Variants in MAN1C1 observed in about 807,000 individuals in gnomAD.
MAN1C1 encodes mannosidase alpha class 1C member 1, also known as mannosyl-oligosaccharide 1,2-alpha-mannosidase IC.
A neutral mutation model predicts 71.5 loss-of-function variants in MAN1C1; 49 were observed. That is an observed-to-expected ratio of 0.69 (90% CI 0.54 to 0.87). The LOEUF (loss-of-function observed/expected upper bound fraction) is 0.87, where lower values mean the gene tolerates loss of function less well. MAN1C1 is among the 40% of genes least tolerant of loss of function. MAN1C1 has a pLI of 0.00. For synonymous variants in MAN1C1, 352 were observed against 343.7 expected (o/e 1.02, Z -0.27); for missense variants, 743 against 835.0 (o/e 0.89, Z 1.36).
At chr1:25,621,572 G>A (rs988591311) in intron 1 of MAN1C1, among the ~76,000 whole-genome samples, 10 of 152,016 alleles carry the variant, frequency 6.6e-5, no homozygotes, top group African/African-American at 2.4e-4. Context: ...GACTGCTCTG[G>A]GTCCTACCCA....
At position 25,746,625 on chromosome 1, in the gene MAN1C1, A is replaced by G. The variant is rs1173262503; in HGVS notation, c.638-43A>G. 6.8e-7 allele frequency: 1 copy of G among 1,465,710 alleles called. No individual in the cohort carries two copies. The highest frequency in any genetic ancestry group is 1.4e-5 in the African/African-American group (1 of 71,586). 90.8% of individuals were successfully genotyped at this position (1,465,710 alleles called of 1,614,324 possible). ...TGGCTTGTCCAGTTGGGGAAAAGAG[A>G]AAGATGGCCCTGGGTCACACCCTCA... On this transcript the variant is annotated intron_variant, in intron 2 of 11. Transcript: ENST00000374332. This position sits in a 1 kb window ranked among gnomAD's most constrained non-coding sequence, Gnocchi z 4.0.
chr1:25,668,177 G>T (rs1189489851), intron 1 of MAN1C1, among the ~76,000 whole-genome samples: 1 of 152,160 alleles, frequency 6.6e-6, no homozygotes, highest in Admixed American at 6.5e-5. Context: ...TGGGAAACGA[G>T]GTGCATTTTT....
intron 2 of MAN1C1, among the ~76,000 whole-genome samples, chr1:25,721,534 C>G (rs543626344): frequency 1.3e-5 from 2 of 151,954 alleles, no homozygotes; most frequent in South Asian, 2.1e-4. Flanking sequence ...TATTTTATTC[C>G]TTTTTGATGC....
intron 1 of MAN1C1, among the ~76,000 whole-genome samples, chr1:25,680,744 GT>G (rs2046140136): frequency 6.6e-6 from 1 of 152,060 alleles, no homozygotes; most frequent in Non-Finnish European, 1.5e-5. Flanking sequence ...CCACTTTTTG[GT>G]TATTACAGAT....
chr1:25,629,043 C>T (rs1364594647), intron 1 of MAN1C1, among the ~76,000 whole-genome samples: 1 of 152,204 alleles, frequency 6.6e-6, no homozygotes, highest in Non-Finnish European at 1.5e-5. Context: ...GTGAATTGTG[C>T]TGCAGTAAAC....
At chr1:25,641,594 A>G (rs543349594) in intron 1 of MAN1C1, among the ~76,000 whole-genome samples, 1 of 152,348 alleles carries the variant, frequency 6.6e-6, no homozygotes, top group South Asian at 2.1e-4. Flanking sequence ...AGTTCCTCCA[A>G]TTAAATCACA....
Position 25,717,860 on chromosome 1 carries a change from G to A in MAN1C1, c.638-28808G>A, listed in dbSNP as rs575808121. 2.9e-4 allele frequency among the ~76,000 whole-genome samples: 44 copies of A among 152,244 alleles called. No homozygotes were observed. The South Asian group carries it at 6.8e-3, about 24-fold the overall frequency. On this transcript the variant is annotated intron_variant, in intron 2 of 11. Transcript: ENST00000374332. ...ATTACAGGCATGAGCCACCATGCTCGGCCCCATTTTCCGTTCTTACCAGCA... is the reference window on the plus strand; with the variant it reads ...ATTACAGGCATGAGCCACCATGCTCAGCCCCATTTTCCGTTCTTACCAGCA...
intron 1 of MAN1C1, among the ~76,000 whole-genome samples, chr1:25,681,133 G>A (rs185381415): frequency 1.3e-5 from 2 of 151,962 alleles, no homozygotes; most frequent in East Asian, 3.9e-4. Flanking sequence ...GGCTGAGGCA[G>A]GAGAATCGCT....
At chr1:25,683,030 T>C (rs1257972517) in intron 1 of MAN1C1, among the ~76,000 whole-genome samples, 1 of 140,476 alleles carries the variant, frequency 7.1e-6, no homozygotes, top group African/African-American at 2.7e-5. Context: ...AGAGTGAGAC[T>C]CCATCTCAAA....
chr1:25,678,404 G>A (rs922006757), intron 1 of MAN1C1, among the ~76,000 whole-genome samples: 3 of 152,192 alleles, frequency 2.0e-5, no homozygotes, highest in African/African-American at 4.8e-5. Context: ...TATAAGTGAT[G>A]ATTGTTCATT....
Position 25,749,345 on chromosome 1 carries a change from C to G in MAN1C1, c.834+10C>G. 6.2e-7 allele frequency: 1 copy of G among 1,600,956 alleles called. No individual in the cohort carries two copies. Among genetic ancestry groups the G allele is most frequent in the Non-Finnish European group, 8.5e-7 (1 of 1,170,472 alleles). ...CCTGACAGGAGAAGAGGTGGGTTGG[C>G]CTTTCATGACCCCTGAACTGTCCAG... On this transcript the variant is annotated intron_variant, in intron 4 of 11. Transcript: ENST00000374332.
intron 5 of MAN1C1, among the ~76,000 whole-genome samples, chr1:25,756,146 A>G (rs1401363714): frequency 2.0e-5 from 3 of 152,266 alleles, no homozygotes; most frequent in Non-Finnish European, 2.9e-5. Flanking sequence ...TTACATGTGC[A>G]TAATTACATA....
intron 2 of MAN1C1, among the ~76,000 whole-genome samples, chr1:25,710,569 ATT>A (rs34618520): frequency 6.6e-6 from 1 of 152,138 alleles, no homozygotes; most frequent in Non-Finnish European, 1.5e-5. Context: ...GATTTCTGTA[ATT>A]TTTTACAGAG....
chr1:25,763,868 C>A lies in MAN1C1; in HGVS notation c.1048-6C>A. 2 of 1,613,148 alleles carry A rather than the reference C, an allele frequency of 1.2e-6. No homozygotes were observed. The highest frequency in any genetic ancestry group is 1.7e-6 in the Non-Finnish European group (2 of 1,179,434). On this transcript the variant is annotated splice_polypyrimidine_tract_variant and splice_region_variant and intron_variant, in intron 6 of 11. Transcript: ENST00000374332. ...GAAGGCTCACCTGGTGTCCGTCTCT[C>A]GGCAGGTCAGGAACATCCGCAAGGT...
At chr1:25,724,232 T>C (rs1484906282) in intron 2 of MAN1C1, among the ~76,000 whole-genome samples, 1 of 152,154 alleles carries the variant, frequency 6.6e-6, no homozygotes, top group African/African-American at 2.4e-5. Flanking sequence ...TTTCACCTTG[T>C]TGGCCAAGAT....
chr1:25,740,939 G>A (rs1413160696), intron 2 of MAN1C1, among the ~76,000 whole-genome samples: 2 of 152,032 alleles, frequency 1.3e-5, no homozygotes, highest in Non-Finnish European at 2.9e-5. Flanking sequence ...CGCAGAGACG[G>A]CCAGCAGGAT....
intron 1 of MAN1C1, among the ~76,000 whole-genome samples, chr1:25,665,768 T>C (rs2045914119): frequency 6.6e-6 from 1 of 151,730 alleles, no homozygotes; most frequent in South Asian, 2.1e-4. Context: ...GTAGAAGAAA[T>C]GGTGTCAGAG....
intron 2 of MAN1C1, among the ~76,000 whole-genome samples, chr1:25,715,039 ACT>A (rs1467214559): frequency 1.1e-4 from 16 of 151,990 alleles, no homozygotes; most frequent in African/African-American, 3.1e-4. Context: ...GAAGACGGAC[ACT>A]CTGTTTATTT....
intron 2 of MAN1C1, among the ~76,000 whole-genome samples, chr1:25,716,760 G>A (rs112863439): frequency 1.8e-4 from 27 of 152,296 alleles, no homozygotes; most frequent in African/African-American, 5.3e-4. Flanking sequence ...GCAATAAAAT[G>A]TATTTCAACA....
Sources: gnomAD v4.1 joint callset for allele counts (sites outside exome capture counted in the v4.1 genomes callset) on GRCh38, gnomAD v4.1.1 for gene constraint, Gnocchi (gnomAD v3.1) non-coding constraint, MANE v1.5 for transcripts, NCBI Gene and HGNC (gene_info 2026-07-23, HGNC 2026-07-21) for gene names.